The following CRIM1 variants were observed in gnomAD, a reference collection of about 807,000 sequenced individuals.
The protein encoded by CRIM1 is cysteine-rich motor neuron 1 protein.
In CRIM1, 32 loss-of-function variants were observed where a neutral mutation model predicts 116.4. The ratio of observed to expected loss-of-function variants is 0.27; its 90% CI spans 0.21 to 0.37. The LOEUF (loss-of-function observed/expected upper bound fraction) is 0.37, where lower values mean the gene tolerates loss of function less well. Ranked by LOEUF, CRIM1 falls within the 10% of genes least tolerant of loss-of-function variation. The pLI is 1.00. For missense variants in CRIM1, 1,331 were observed against 1,354.8 expected (o/e 0.98, Z 0.28); for synonymous variants, 590 against 509.2 (o/e 1.16, Z -2.13).
At chr2:36,496,598 C>CA (rs1319721722) in intron 7 of CRIM1, among the ~76,000 whole-genome samples, 11 of 152,144 alleles carry the variant, frequency 7.2e-5, no homozygotes, top group Non-Finnish European at 1.3e-4. Context: ...ATTGTAAGAC[C>CA]AGCACATACT....
At chr2:36,440,701 G>T (rs1349980742) in intron 2 of CRIM1, among the ~76,000 whole-genome samples, 2 of 152,186 alleles carry the variant, frequency 1.3e-5, no homozygotes, top group Non-Finnish European at 2.9e-5. Flanking sequence ...CGGGAATTTG[G>T]CTCATTATCC....
intron 2 of CRIM1, among the ~76,000 whole-genome samples, chr2:36,422,658 T>C (rs2124866415): frequency 6.6e-6 from 1 of 152,324 alleles, no homozygotes; most frequent in African/African-American, 2.4e-5. Flanking sequence ...ATTCTTGAGG[T>C]AGAAAAATTA....
intron 12 of CRIM1, 92 bp from the exon 13 acceptor site, chr2:36,522,000 C>T: frequency 9.9e-7 from 1 of 1,007,890 alleles, no homozygotes. Flanking sequence ...CACCGAAAGC[C>T]ATCATGACTG....
Position 36,540,570 on chromosome 2 carries a change from T to C in CRIM1, c.2623+3024T>C, listed in dbSNP as rs560688858. 2.3e-4 allele frequency among the ~76,000 whole-genome samples: 35 copies of C among 152,300 alleles called. No homozygotes were observed. The South Asian group carries it at 7.3e-3, about 32-fold the overall frequency. ...CTGGAGCAGTGAGTTTTAGTAGCAG[T>C]AGGTAAGGACAGAAACAGTAGCTTT... On this transcript the variant is annotated intron_variant, in intron 14 of 16. Transcript: ENST00000280527.
At chr2:36,386,572 A>C (rs977959318) in intron 1 of CRIM1, among the ~76,000 whole-genome samples, 1 of 152,208 alleles carries the variant, frequency 6.6e-6, no homozygotes, top group Non-Finnish European at 1.5e-5. Flanking sequence ...GATTAAATTC[A>C]TGTGCTCGTC....
intron 13 of CRIM1, among the ~76,000 whole-genome samples, chr2:36,525,313 T>G (rs947394516): frequency 2.0e-5 from 3 of 152,228 alleles, no homozygotes; most frequent in African/African-American, 7.2e-5. Context: ...GACTATGATA[T>G]AGGGATTTCC....
At chr2:36,394,049 T>C (rs1389452232) in intron 1 of CRIM1, among the ~76,000 whole-genome samples, 1 of 152,088 alleles carries the variant, frequency 6.6e-6, no homozygotes, top group Non-Finnish European at 1.5e-5. Context: ...TTAGAAGACA[T>C]TGTGGTAATT....
At chr2:36,506,133 G>GCACA (rs142839402) in intron 8 of CRIM1, among the ~76,000 whole-genome samples, 18,310 of 135,696 alleles carry the variant, frequency 0.13, 1,602 homozygotes, top group Non-Finnish European at 0.19. Context: ...ATTGCAGGGT[G>GCACA]CACACACACA....
At chr2:36,510,842 A>G (rs903392351) in intron 9 of CRIM1, among the ~76,000 whole-genome samples, 3 of 145,180 alleles carry the variant, frequency 2.1e-5, no homozygotes, top group East Asian at 2.1e-4. Context: ...ACCTTAATTT[A>G]TATTTTTCCC....
rs138547092 is a variant in CRIM1 at position 36,510,678 on chromosome 2, T to G, written c.1658+539T>G. ...TGAATTTTCTTGGAGCTAAGGGCCA[T>G]TACTTTTATTTTTTAATATACTTTA... is the stretch of plus-strand genomic sequence containing the variant. On this transcript the variant is annotated intron_variant, in intron 9 of 16. Transcript: ENST00000280527. Among the ~76,000 whole-genome samples the G allele has an allele frequency of 3.8e-3, 577 of 152,296 alleles. 1 individual carries two copies. Among genetic ancestry groups the G allele is most frequent in the Non-Finnish European group, 6.8e-3 (464 of 68,012 alleles).
At position 36,523,111 on chromosome 2, in the gene CRIM1, C is replaced by T. The variant is rs768976933; in HGVS notation, c.2428+798C>T. On this transcript the variant is annotated intron_variant, in intron 13 of 16. Coordinates refer to ENST00000280527, the MANE Select transcript of CRIM1 (RefSeq NM_016441.3). ...CTGGAATTACAGGTGCCTGCCACCT[C>T]GCCTAGCTAATTTTTGTATTTTAGT... 3.3e-5 allele frequency among the ~76,000 whole-genome samples: 5 copies of T among 151,932 alleles called. No individual in the cohort carries two copies. In the East Asian group the frequency reaches 5.9e-4, roughly 18 times the overall value.
At chr2:36,422,124 A>G (rs1373717434) in intron 2 of CRIM1, among the ~76,000 whole-genome samples, 1 of 151,388 alleles carries the variant, frequency 6.6e-6, no homozygotes, top group Non-Finnish European at 1.5e-5. Context: ...GGGATACTAG[A>G]TAGCTTCCTT....
chr2:36,548,267 C>T (rs370836698), intron 16 of CRIM1, among the ~76,000 whole-genome samples: 106 of 137,828 alleles, frequency 7.7e-4, no homozygotes, highest in African/African-American at 2.2e-3. Context: ...TTTCACCAGT[C>T]TTTTTTTTTT....
At chr2:36,500,396 T>C (rs1251864889) in intron 8 of CRIM1, among the ~76,000 whole-genome samples, 1 of 152,208 alleles carries the variant, frequency 6.6e-6, no homozygotes, top group Non-Finnish European at 1.5e-5. Context: ...AAGTTTGCAT[T>C]AGCTCCTTGA....
chr2:36,512,588 T>C (rs1041698077), intron 10 of CRIM1, among the ~76,000 whole-genome samples, 194 bp downstream of exon 10: 4 of 152,190 alleles, frequency 2.6e-5, no homozygotes, highest in Non-Finnish European at 5.9e-5. Context: ...GAATAGAATG[T>C]AAAGTAAGTA....
intron 2 of CRIM1, among the ~76,000 whole-genome samples, chr2:36,435,917 T>A (rs1366700396): frequency 1.2e-5 from 1 of 84,684 alleles, no homozygotes; most frequent in Admixed American, 1.4e-4. Flanking sequence ...TTTCTATATC[T>A]GGGCAGGCTT....
At chr2:36,359,033 A>T (rs7566522) in intron 1 of CRIM1, among the ~76,000 whole-genome samples, 3,004 of 152,228 alleles carry the variant, frequency 0.02, 98 homozygotes, top group African/African-American at 0.068. Flanking sequence ...GAAGGTATTG[A>T]TTATCTCTTG....
intron 1 of CRIM1, among the ~76,000 whole-genome samples, chr2:36,383,389 C>G (rs1489732135): frequency 2.0e-5 from 3 of 152,202 alleles, no homozygotes; most frequent in Non-Finnish European, 2.9e-5. Flanking sequence ...TTCTTTGCAT[C>G]TCAATCATTC....
At chr2:36,448,358 A>C (rs1222797030) in intron 4 of CRIM1, among the ~76,000 whole-genome samples, 4 of 152,240 alleles carry the variant, frequency 2.6e-5, no homozygotes, top group African/African-American at 9.6e-5. Context: ...CCACCAGCCC[A>C]GACCTCAGCC....
Sources: allele counts gnomAD v4.1 joint callset (sites outside exome capture counted in the v4.1 genomes callset), GRCh38; gene constraint gnomAD v4.1.1; transcripts MANE v1.5; gene names NCBI Gene and HGNC (gene_info 2026-07-23, HGNC 2026-07-21).